ANKIB1: variants seen among roughly 807,000 people sequenced by gnomAD.
ANKIB1 encodes the protein ankyrin repeat and IBR domain-containing protein 1.
In ANKIB1, 43 loss-of-function variants were observed where a neutral mutation model predicts 122.1. The ratio of observed to expected loss-of-function variants is 0.35; its 90% confidence interval spans 0.28 to 0.45. The LOEUF is 0.45. Among genes scored for constraint, ANKIB1 ranks in the 20% least tolerant of loss-of-function variants. The pLI, the probability that ANKIB1 is intolerant of heterozygous loss-of-function variation, is 1.00. For missense variants in ANKIB1, 992 were observed against 1,329.5 expected, an observed-to-expected ratio of 0.75 and a Z score of 3.95; for synonymous variants, 390 against 442.0, an observed-to-expected ratio of 0.88 and a Z score of 1.48.
chr7:92,274,816 A>G (rs1163679555), intron 1 of ANKIB1, among the ~76,000 whole-genome samples: 2 of 152,130 alleles, frequency 1.3e-5, no homozygotes, highest in Non-Finnish European at 2.9e-5. Flanking sequence ...TTAATTATCT[A>G]CATGGGAGGC....
At chr7:92,356,958 T>G (rs1803828003) in intron 9 of ANKIB1, among the ~76,000 whole-genome samples, 1 of 152,232 alleles carries the variant, frequency 6.6e-6, no homozygotes, top group Non-Finnish European at 1.5e-5. Flanking sequence ...GATTTCTACT[T>G]AATTCACTCA....
At chr7:92,247,423 ATAT>A (rs1462400882) in intron 1 of ANKIB1, among the ~76,000 whole-genome samples, 1 of 152,222 alleles carries the variant, frequency 6.6e-6, no homozygotes, top group Non-Finnish European at 1.5e-5. Flanking sequence ...TTTAAAGATC[ATAT>A]TAGATTGTAT....
chr7:92,342,047 A>G (rs1803450988), intron 5 of ANKIB1, among the ~76,000 whole-genome samples: 1 of 151,768 alleles, frequency 6.6e-6, no homozygotes, highest in Non-Finnish European at 1.5e-5. Flanking sequence ...TCGGCTTAAT[A>G]TAGTTGAAAA....
At chr7:92,360,698 A>C (rs1479196824) in intron 9 of ANKIB1, among the ~76,000 whole-genome samples, 1 of 152,224 alleles carries the variant, frequency 6.6e-6, no homozygotes, top group African/African-American at 2.4e-5. Context: ...CATTTCTATC[A>C]GCAGTGCACA....
intron 1 of ANKIB1, among the ~76,000 whole-genome samples, chr7:92,266,248 G>C (rs1562765005): frequency 6.6e-6 from 1 of 152,148 alleles, no homozygotes; most frequent in Non-Finnish European, 1.5e-5. Flanking sequence ...AAATATACTG[G>C]ATTCTGTGAT....
intron 1 of ANKIB1, among the ~76,000 whole-genome samples, chr7:92,294,120 C>G (rs945585858): frequency 1.3e-5 from 2 of 152,158 alleles, no homozygotes; most frequent in South Asian, 4.1e-4. Context: ...CTATGACCTT[C>G]CCCCACCCAC....
At chr7:92,390,866 G>T (rs895578838) in intron 15 of ANKIB1, among the ~76,000 whole-genome samples, 1 of 152,012 alleles carries the variant, frequency 6.6e-6, no homozygotes, top group Non-Finnish European at 1.5e-5. Context: ...TAAATTCCTT[G>T]TAAACAGCTG....
intron 3 of ANKIB1, 118 bp downstream of exon 3, chr7:92,307,774 T>G (rs1802593599): frequency 1.2e-6 from 1 of 815,186 alleles, no homozygotes; most frequent in Non-Finnish European, 1.7e-6. Flanking sequence ...TTTTCTCTTT[T>G]GTCTTCTAAA....
chr7:92,372,576 T>C (rs1161645095), intron 11 of ANKIB1, among the ~76,000 whole-genome samples: 1 of 152,176 alleles, frequency 6.6e-6, no homozygotes, highest in Non-Finnish European at 1.5e-5. Context: ...CTGTTTATTA[T>C]ATTGAAAATG....
intron 11 of ANKIB1, among the ~76,000 whole-genome samples, chr7:92,385,745 G>A (rs1020024001): frequency 2.6e-5 from 4 of 152,158 alleles, no homozygotes; most frequent in Non-Finnish European, 1.5e-5. Flanking sequence ...GTGGGAGGAT[G>A]GGGGAAGGAT....
intron 14 of ANKIB1, among the ~76,000 whole-genome samples, chr7:92,389,566 A>G (rs1366935442): frequency 6.6e-6 from 1 of 152,110 alleles, no homozygotes; most frequent in Non-Finnish European, 1.5e-5. Flanking sequence ...TTTATAAGCA[A>G]CTTAGAAAAG....
chr7:92,264,016 G>A (rs1382278477), intron 1 of ANKIB1, among the ~76,000 whole-genome samples: 1 of 152,150 alleles, frequency 6.6e-6, no homozygotes, highest in African/African-American at 2.4e-5. Flanking sequence ...CAGTGAACGT[G>A]TAAAATTTTT....
chr7:92,366,618 A>G (rs1804089943), intron 10 of ANKIB1, among the ~76,000 whole-genome samples: 1 of 152,202 alleles, frequency 6.6e-6, no homozygotes, highest in Non-Finnish European at 1.5e-5. Context: ...GTTTTCAAAC[A>G]TTCTTCCATC....
At chr7:92,284,277 G>A (rs1359523837) in intron 1 of ANKIB1, among the ~76,000 whole-genome samples, 1 of 152,118 alleles carries the variant, frequency 6.6e-6, no homozygotes, top group Non-Finnish European at 1.5e-5. Context: ...GGGAGTCAGG[G>A]CACATAAGGA....
chr7:92,250,129 C>G (rs1232280902), intron 1 of ANKIB1, among the ~76,000 whole-genome samples: 1 of 152,178 alleles, frequency 6.6e-6, no homozygotes, highest in Non-Finnish European at 1.5e-5. Flanking sequence ...TGCAGTGGCT[C>G]ACACCTGTAA....
At chr7:92,299,192 T>G (rs868479019) in intron 2 of ANKIB1, among the ~76,000 whole-genome samples, 3 of 152,356 alleles carry the variant, frequency 2.0e-5, no homozygotes, top group Middle Eastern at 3.4e-3. Flanking sequence ...TTCACTACCT[T>G]CAGCTCAACA....
At chr7:92,366,961 G>C (rs1180304784) in intron 10 of ANKIB1, among the ~76,000 whole-genome samples, 1 of 152,104 alleles carries the variant, frequency 6.6e-6, no homozygotes, top group Admixed American at 6.5e-5. Context: ...CTAGGGAAGG[G>C]GAAGAAGAAT....
Position 92,253,044 on chromosome 7 carries a change from G to A in ANKIB1, c.-91+6525G>A, listed in dbSNP as rs1801361667. 2.0e-5 allele frequency among the ~76,000 whole-genome samples: 3 copies of A among 152,034 alleles called. No homozygotes were observed. In the South Asian group the frequency reaches 6.2e-4, roughly 32 times the overall value. Reference sequence around the variant, plus strand: ...GAATTAGGACACTTGTATATGGTTTGTATACACACACATAGGCAAAACACA... The same window carrying A: ...GAATTAGGACACTTGTATATGGTTTATATACACACACATAGGCAAAACACA... On this transcript the variant is annotated intron_variant, in intron 1 of 19. Transcript: ENST00000265742.
intron 5 of ANKIB1, among the ~76,000 whole-genome samples, chr7:92,339,818 T>G (rs1195477353): frequency 6.6e-6 from 1 of 152,096 alleles, no homozygotes; most frequent in Non-Finnish European, 1.5e-5. Flanking sequence ...TCTTTTTTTC[T>G]TGCAGTTTAT....
Sources: allele counts gnomAD v4.1 joint callset (sites outside exome capture counted in the v4.1 genomes callset), GRCh38; gene constraint gnomAD v4.1.1; transcripts MANE v1.5; gene names NCBI Gene and HGNC (gene_info 2026-07-23, HGNC 2026-07-21).